The following MRTFB variants were observed in gnomAD, a reference collection of about 807,000 sequenced individuals.
MRTFB encodes the protein myocardin related transcription factor B, also known as myocardin-related transcription factor B.
MRTFB carries 29 observed loss-of-function variants against 104.2 expected under a neutral mutation model. The ratio of observed to expected loss-of-function variants is 0.28; its 90% CI spans 0.21 to 0.38. The LOEUF is 0.38. Ranked by LOEUF, MRTFB falls within the 10% of genes least tolerant of loss-of-function variation. The probability of loss-of-function intolerance (pLI) is 1.00; values close to 1 mark genes in which losing one functional copy is unlikely to be tolerated. For synonymous variants in MRTFB, 535 were observed against 519.5 expected, an observed-to-expected ratio of 1.03 and a Z score of -0.41; for missense variants, 1,270 against 1,341.6, an observed-to-expected ratio of 0.95 and a Z score of 0.83.
At chr16:14,204,715 A>G (rs1315951021) in intron 3 of MRTFB, among the ~76,000 whole-genome samples, 1 of 152,212 alleles carries the variant, frequency 6.6e-6, no homozygotes, top group Non-Finnish European at 1.5e-5. Flanking sequence ...TCATAATTCA[A>G]TAAATTTTTT....
the MRTFB span, among the ~76,000 whole-genome samples, chr16:14,001,325 T>C: frequency 6.6e-6 from 1 of 152,280 alleles, no homozygotes; most frequent in East Asian, 1.9e-4. Context: ...CTCGGCTCCA[T>C]TATCTGCTGT....
At chr16:14,258,710 A>G (rs2043624485) in intron 16 of MRTFB, among the ~76,000 whole-genome samples, 1 of 152,240 alleles carries the variant, frequency 6.6e-6, no homozygotes, top group Non-Finnish European at 1.5e-5. Flanking sequence ...ACATGCCAAT[A>G]CTATCTTAAT....
chr16:14,022,192 C>T, the MRTFB span, among the ~76,000 whole-genome samples: 2 of 152,164 alleles, frequency 1.3e-5, no homozygotes, highest in African/African-American at 2.4e-5. Context: ...GTAGAGTCTA[C>T]ATGTGTTTGG....
chr16:14,052,767 A>T, the MRTFB span, among the ~76,000 whole-genome samples: 39 of 151,952 alleles, frequency 2.6e-4, 2 homozygotes, highest in Admixed American at 2.4e-3. Flanking sequence ...AAAGAAAGAA[A>T]TATACAATAA....
the MRTFB span, chr16:14,020,253 A>G: frequency 6.8e-6 from 1 of 147,104 alleles, no homozygotes; most frequent in Admixed American, 6.7e-5. Flanking sequence ...TTTTCAATGA[A>G]TCCTCTTCCA....
intron 3 of MRTFB, among the ~76,000 whole-genome samples, chr16:14,186,066 A>T (rs187453867): frequency 3.3e-4 from 49 of 149,716 alleles, no homozygotes; most frequent in Admixed American, 3.0e-3. Flanking sequence ...AATTTTCCTT[A>T]AAAAAAATCA....
At chr16:14,233,345 T>C (rs908147017) in intron 8 of MRTFB, among the ~76,000 whole-genome samples, 5 of 151,980 alleles carry the variant, frequency 3.3e-5, no homozygotes, top group Non-Finnish European at 5.9e-5. Context: ...GAACAGAGGG[T>C]GTAAAGCACA....
chr16:14,022,623 C>A, the MRTFB span, among the ~76,000 whole-genome samples: 1 of 152,108 alleles, frequency 6.6e-6, no homozygotes, highest in African/African-American at 2.4e-5. Context: ...TCAAGATGGT[C>A]TCAATCTCTT....
rs773906122 is a variant in MRTFB at position 14,258,089 on chromosome 16, C to G, written c.2704-12C>G. The G allele has an allele frequency of 8.1e-6, 13 of 1,612,384 alleles. No homozygotes were observed. The Admixed American group carries it at 2.2e-4, about 27-fold the overall frequency. ...ATGAAAGAAACCTAATTTGTACTCT[C>G]CTTCATTGTAGATTTCCAACGCTCA... On this transcript the variant is annotated splice_polypyrimidine_tract_variant and intron_variant, in intron 15 of 16. Transcript: ENST00000571589.
chr16:14,256,836 G>T (rs1334127023), intron 15 of MRTFB, among the ~76,000 whole-genome samples: 1 of 152,126 alleles, frequency 6.6e-6, no homozygotes, highest in Non-Finnish European at 1.5e-5. Flanking sequence ...TCTACAAGAG[G>T]CATACTTTAA....
the MRTFB span, among the ~76,000 whole-genome samples, chr16:14,005,713 T>C: frequency 1.3e-5 from 2 of 152,146 alleles, no homozygotes; most frequent in African/African-American, 4.8e-5. Context: ...ACAGGAAATG[T>C]TTTATTGAGT....
chr16:14,213,719 C>T (rs1280359957), intron 6 of MRTFB, 99 bp downstream of exon 6: 1 of 918,358 alleles, frequency 1.1e-6, no homozygotes, highest in Non-Finnish European at 1.6e-6. Context: ...AACTTTTTAA[C>T]CCACAGCCTT....
At chr16:14,101,386 A>C (rs945854418) in intron 2 of MRTFB, among the ~76,000 whole-genome samples, 3 of 152,068 alleles carry the variant, frequency 2.0e-5, no homozygotes, top group Non-Finnish European at 4.4e-5. Context: ...CCCCTTGGAG[A>C]AGTTGGTGTC....
chr16:14,150,586 C>A (rs985810227), intron 3 of MRTFB, among the ~76,000 whole-genome samples: 5 of 152,008 alleles, frequency 3.3e-5, no homozygotes, highest in African/African-American at 1.2e-4. Context: ...AGTGTCTCAC[C>A]CCTGTAGTGC....
intron 10 of MRTFB, among the ~76,000 whole-genome samples, chr16:14,243,864 G>GT (rs56296807): frequency 0.039 from 4,856 of 124,570 alleles, 248 homozygotes; most frequent in East Asian, 0.086. Flanking sequence ...CCTGTTTTGG[G>GT]TTTTTTTTTT....
Position 14,217,093 on chromosome 16 carries a change from G to A in MRTFB, c.353-33G>A, listed in dbSNP as rs564307525. 104 of 1,570,534 alleles carry A rather than the reference G, an allele frequency of 6.6e-5. 1 individual carries two copies. In the South Asian group the frequency reaches 1.1e-3, roughly 17 times the overall value. ...CATTATGGAATAGAAATAGTAATTCGAGTAATGGTTAAAACTGTGTTTCCT... is the reference window on the plus strand; with the variant it reads ...CATTATGGAATAGAAATAGTAATTCAAGTAATGGTTAAAACTGTGTTTCCT... On this transcript the variant is annotated intron_variant, in intron 6 of 16. Transcript: ENST00000571589.
intron 6 of MRTFB, among the ~76,000 whole-genome samples, chr16:14,216,186 G>C (rs141770757): frequency 7.2e-5 from 11 of 152,306 alleles, no homozygotes; most frequent in Middle Eastern, 6.8e-3. Flanking sequence ...CTAGCCATGT[G>C]CTTTCAGTGA....
the MRTFB span, among the ~76,000 whole-genome samples, chr16:14,062,148 A>G: frequency 6.6e-6 from 1 of 152,176 alleles, no homozygotes; most frequent in Non-Finnish European, 1.5e-5. Flanking sequence ...GCTGGAGTGC[A>G]GTGGCACAAT....
At chr16:14,046,140 G>C in the MRTFB span, among the ~76,000 whole-genome samples, 1 of 152,112 alleles carries the variant, frequency 6.6e-6, no homozygotes, top group Non-Finnish European at 1.5e-5. Flanking sequence ...TTCTCTGTCA[G>C]ATCCCTCTCT....
Sources: allele counts gnomAD v4.1 joint callset (sites outside exome capture counted in the v4.1 genomes callset), GRCh38; gene constraint gnomAD v4.1.1; transcripts MANE v1.5; gene names NCBI Gene and HGNC (gene_info 2026-07-23, HGNC 2026-07-21).